Variants in DSCAM observed in about 807,000 individuals in gnomAD.
DSCAM encodes DS cell adhesion molecule.
A neutral mutation model predicts 217.7 loss-of-function variants in DSCAM; 47 were observed. The ratio of observed to expected loss-of-function variants is 0.22; its 90% confidence interval spans 0.17 to 0.28. The LOEUF (loss-of-function observed/expected upper bound fraction) is 0.28. Among genes scored for constraint, DSCAM ranks in the 10% least tolerant of loss-of-function variants. The pLI, the probability that DSCAM is intolerant of heterozygous loss-of-function variation, is 1.00. For missense variants in DSCAM, 2,080 were observed against 2,618.3 expected (o/e 0.79, Z 4.49); for synonymous variants, 1,056 against 1,015.3 (o/e 1.04, Z -0.76).
intron 3 of DSCAM, among the ~76,000 whole-genome samples, chr21:40,450,393 T>G (rs1286360997): frequency 6.6e-6 from 1 of 152,218 alleles, no homozygotes; most frequent in African/African-American, 2.4e-5. Flanking sequence ...CTTCAAATTC[T>G]GGCCACAATC....
chr21:40,358,268 A>G (rs1289017801), intron 4 of DSCAM, among the ~76,000 whole-genome samples: 5 of 152,204 alleles, frequency 3.3e-5, no homozygotes, highest in Non-Finnish European at 7.3e-5. Flanking sequence ...ATGTAATTCT[A>G]ATGACATTTT....
chr21:40,639,036 C>T (rs1050188620), intron 3 of DSCAM, among the ~76,000 whole-genome samples: 3 of 151,304 alleles, frequency 2.0e-5, no homozygotes, highest in Non-Finnish European at 4.4e-5. Context: ...CCCATGTTTG[C>T]TCATTATTTG....
chr21:40,346,193 C>T (rs2074555685), intron 6 of DSCAM, among the ~76,000 whole-genome samples: 1 of 152,200 alleles, frequency 6.6e-6, no homozygotes, highest in Non-Finnish European at 1.5e-5. Flanking sequence ...CAAACTGGTT[C>T]TGCACAAATT....
chr21:40,036,240 A>G (rs1478228594), intron 32 of DSCAM, among the ~76,000 whole-genome samples: 1 of 149,008 alleles, frequency 6.7e-6, no homozygotes, highest in African/African-American at 2.6e-5. Flanking sequence ...GGTTTTTTGA[A>G]AGGATCAACA....
intron 3 of DSCAM, among the ~76,000 whole-genome samples, chr21:40,529,456 C>T (rs2076426204): frequency 6.6e-6 from 1 of 152,158 alleles, no homozygotes; most frequent in Non-Finnish European, 1.5e-5. Flanking sequence ...ACTGCAAAGT[C>T]TTGGATCCTT....
chr21:40,101,407 C>T (rs923924431), intron 20 of DSCAM, among the ~76,000 whole-genome samples: 1 of 152,112 alleles, frequency 6.6e-6, no homozygotes, highest in African/African-American at 2.4e-5. Context: ...CTCTCTGGCT[C>T]AGCGGTCCCC....
At chr21:40,411,321 C>T (rs2075321646) in intron 3 of DSCAM, among the ~76,000 whole-genome samples, 2 of 151,498 alleles carry the variant, frequency 1.3e-5, no homozygotes, top group African/African-American at 4.9e-5. Flanking sequence ...ACAATTAATA[C>T]AATGAAATAT....
chr21:40,709,594 C>G (rs9754270), intron 1 of DSCAM, among the ~76,000 whole-genome samples: 47,492 of 151,886 alleles, frequency 0.31, 8,020 homozygotes, highest in African/African-American at 0.44. Context: ...GCGGTGTTTG[C>G]TTTTCTGTTC....
intron 3 of DSCAM, among the ~76,000 whole-genome samples, chr21:40,622,717 CCA>C (rs1056660319): frequency 1.3e-5 from 2 of 152,166 alleles, no homozygotes; most frequent in African/African-American, 4.8e-5. Context: ...CCACACTTGA[CCA>C]CAGTCAGCAC....
intron 3 of DSCAM, among the ~76,000 whole-genome samples, chr21:40,580,742 T>A (rs1258700845): frequency 1.3e-5 from 2 of 152,138 alleles, no homozygotes; most frequent in Non-Finnish European, 2.9e-5. Context: ...CCAAATGCAG[T>A]AAGTGGAAAA....
At chr21:40,165,962 C>G (rs908524895) in intron 16 of DSCAM, among the ~76,000 whole-genome samples, 1 of 152,124 alleles carries the variant, frequency 6.6e-6, no homozygotes, top group African/African-American at 2.4e-5. Context: ...CACTCCTCGG[C>G]CTGCACTTTC....
chr21:40,526,324 C>A (rs1261457351), intron 3 of DSCAM, among the ~76,000 whole-genome samples: 1 of 152,272 alleles, frequency 6.6e-6, no homozygotes, highest in Middle Eastern at 3.4e-3. Context: ...ATTGTTCATG[C>A]CTTGTTTGTG....
At position 40,544,529 on chromosome 21, in the gene DSCAM, A is replaced by G. The variant is rs372380852; in HGVS notation, c.508+148281T>C. On this transcript the variant is annotated intron_variant, in intron 3 of 32. Coordinates refer to ENST00000400454, the MANE Select transcript of DSCAM (RefSeq NM_001389.5). ...ACATAGAGAAGAACCCCCTGCGAAG[A>G]TGAAGGCACAGATTCAAGTGATACG... Among the ~76,000 whole-genome samples the G allele has an allele frequency of 5.1e-4, 77 of 152,306 alleles. 2 individuals carry two copies. The South Asian group carries it at 0.015, about 30-fold the overall frequency.
intron 3 of DSCAM, among the ~76,000 whole-genome samples, chr21:40,464,704 G>T (rs1367789678): frequency 1.3e-5 from 2 of 150,614 alleles, no homozygotes; most frequent in Non-Finnish European, 2.9e-5. Context: ...CTCTGCATCT[G>T]TTCCTGTTCC....
intron 3 of DSCAM, among the ~76,000 whole-genome samples, chr21:40,595,044 T>C (rs936500166): frequency 1.3e-5 from 2 of 152,196 alleles, no homozygotes; most frequent in African/African-American, 2.4e-5. Flanking sequence ...GCAGGCCTTC[T>C]TTGGTGCCAC....
intron 3 of DSCAM, among the ~76,000 whole-genome samples, chr21:40,554,469 T>TCA (rs943782991): frequency 2.6e-5 from 4 of 152,198 alleles, no homozygotes; most frequent in Non-Finnish European, 5.9e-5. Flanking sequence ...CTCAAGTCCT[T>TCA]CACCTTGTGG....
chr21:40,595,759 T>A (rs1427940926), intron 3 of DSCAM, among the ~76,000 whole-genome samples: 2 of 152,228 alleles, frequency 1.3e-5, no homozygotes, highest in Non-Finnish European at 1.5e-5. Context: ...CTGATGAGAA[T>A]CCATTTTTAA....
chr21:40,353,287 C>T (rs550311994), intron 5 of DSCAM, among the ~76,000 whole-genome samples, 178 bp downstream of exon 5: 112 of 152,258 alleles, frequency 7.4e-4, no homozygotes, highest in African/African-American at 2.6e-3. Flanking sequence ...GTTGTGTAAC[C>T]TTGGGGAATT....
intron 20 of DSCAM, among the ~76,000 whole-genome samples, chr21:40,123,903 C>T (rs1268905670): frequency 2.6e-5 from 4 of 152,146 alleles, no homozygotes; most frequent in East Asian, 1.9e-4. Flanking sequence ...AATTAAGGCA[C>T]AATCAAGGCC....
Sources: allele counts gnomAD v4.1 joint callset (sites outside exome capture counted in the v4.1 genomes callset), GRCh38; gene constraint gnomAD v4.1.1; transcripts MANE v1.5; gene names NCBI Gene and HGNC (gene_info 2026-07-23, HGNC 2026-07-21).